DOCK10: variants seen among roughly 807,000 people sequenced by gnomAD.
DOCK10 encodes dedicator of cytokinesis protein 10.
In DOCK10, 145 loss-of-function variants were observed where a neutral mutation model predicts 280.1. The observed-to-expected ratio is 0.52, with a 90% CI of 0.45 to 0.59. DOCK10 has a LOEUF of 0.59. Among genes scored for constraint, DOCK10 ranks in the 20% least tolerant of loss-of-function variants. The pLI is 0.00. For synonymous variants in DOCK10, 915 were observed against 942.2 expected (o/e 0.97, Z 0.53); for missense variants, 2,368 against 2,651.7 (o/e 0.89, Z 2.35).
At chr2:224,896,230 G>T in intron 4 of DOCK10, 65 bp downstream of exon 4, 2 of 962,578 alleles carry the variant, frequency 2.1e-6, no homozygotes, top group South Asian at 1.6e-5. Flanking sequence ...ACAATGGCAG[G>T]ACTAGAACAG....
In DOCK10 at chr2:224,962,158, A is replaced by G. The variant is rs532208458; in HGVS notation, c.124-30490T>C. On this transcript the variant is annotated intron_variant, in intron 1 of 55. Transcript: ENST00000258390. The stretch of plus-strand genomic sequence containing the variant: ...GCCAAATCACACATCTCTACCAGGA[A>G]TCATTTTTTCATAGCAGTTTGACCA... Among the ~76,000 whole-genome samples, 7 of 152,340 alleles carry G rather than the reference A, an allele frequency of 4.6e-5. No homozygotes were observed. The South Asian group carries it at 1.5e-3, about 32-fold the overall frequency.
intron 1 of DOCK10, among the ~76,000 whole-genome samples, chr2:225,031,511 C>A (rs1690075012): frequency 6.6e-6 from 1 of 152,182 alleles, no homozygotes; most frequent in Non-Finnish European, 1.5e-5. Flanking sequence ...GGGTCCAGGA[C>A]AGATCATATT....
intron 53 of DOCK10, among the ~76,000 whole-genome samples, chr2:224,771,202 C>G (rs886375045): frequency 1.3e-5 from 2 of 152,164 alleles, no homozygotes; most frequent in Non-Finnish European, 2.9e-5. Context: ...TCTGTCTTGG[C>G]CTCCCGAAGT....
chr2:225,017,116 A>AAG lies in DOCK10; in HGVS notation c.123+25135_123+25136insCT, dbSNP rs1247325184. ...AAACTGAATAAAATTAAACCAAAAA[A>AAG]AAAAAAAAACTTTTGAGAGGATTTC... On this transcript the variant is annotated intron_variant, in intron 1 of 55. Transcript: ENST00000258390. Among the ~76,000 whole-genome samples, 7 of 151,838 alleles carry AAG rather than the reference A, an allele frequency of 4.6e-5. No homozygotes were observed. The East Asian group carries it at 1.3e-3, about 29-fold the overall frequency.
chr2:224,823,682 G>T (rs1365327736), intron 27 of DOCK10, 35 bp from the exon 28 acceptor site: 1 of 1,531,672 alleles, frequency 6.5e-7, no homozygotes, highest in African/African-American at 1.4e-5. Flanking sequence ...TTCTAATGTG[G>T]CATGTGAAAT....
chr2:224,767,066 A>C lies in DOCK10; in HGVS notation c.6445-1229T>G, dbSNP rs1690115902. ...TAGCTGAAACAGCAGAAGGACGAACATAACTACATTTTTTAGTTTTAATCA... is the reference window on the plus strand; with the variant it reads ...TAGCTGAAACAGCAGAAGGACGAACCTAACTACATTTTTTAGTTTTAATCA... On this transcript the variant is annotated intron_variant, in intron 55 of 55. Coordinates refer to ENST00000258390, the MANE Select transcript of DOCK10 (RefSeq NM_014689.3). Among the ~76,000 whole-genome samples, 3 of 152,248 alleles carry C rather than the reference A, an allele frequency of 2.0e-5. No individual in the cohort carries two copies. The South Asian group carries it at 6.2e-4, about 32-fold the overall frequency.
At chr2:224,851,797 A>G (rs954310119) in intron 18 of DOCK10, among the ~76,000 whole-genome samples, 3 of 152,190 alleles carry the variant, frequency 2.0e-5, no homozygotes, top group Admixed American at 2.0e-4. Flanking sequence ...TATGAACTCT[A>G]AAAAATGCCA....
intron 50 of DOCK10, among the ~76,000 whole-genome samples, chr2:224,780,565 A>T (rs1434447452): frequency 6.6e-6 from 1 of 152,164 alleles, no homozygotes; most frequent in Non-Finnish European, 1.5e-5. Flanking sequence ...CAAATTTCCG[A>T]ATCTAGAGTG....
chr2:224,874,986 A>C (rs952153796), intron 8 of DOCK10, among the ~76,000 whole-genome samples: 2 of 152,208 alleles, frequency 1.3e-5, no homozygotes, highest in African/African-American at 2.4e-5. Context: ...TTGTGTCCAC[A>C]AGAACTTTGG....
At chr2:224,859,013 G>A (rs1697333987) in intron 14 of DOCK10, among the ~76,000 whole-genome samples, 1 of 152,210 alleles carries the variant, frequency 6.6e-6, no homozygotes. Flanking sequence ...CATAAAAGTG[G>A]TTTTCAGATA....
intron 3 of DOCK10, among the ~76,000 whole-genome samples, chr2:224,910,450 C>T (rs1362770334): frequency 6.6e-6 from 1 of 152,156 alleles, no homozygotes; most frequent in Non-Finnish European, 1.5e-5. Context: ...AGGGACGGAG[C>T]TGGTGGCATG....
At chr2:224,921,112 A>AAAAAATATATATATATATATATATATAT in intron 2 of DOCK10, among the ~76,000 whole-genome samples, 2 of 54,406 alleles carry the variant, frequency 3.7e-5, no homozygotes, top group Non-Finnish European at 3.0e-5. Context: ...AAAAAAAAAA[A>AAAAAATATATATATATATATATATATAT]ATATATATAT....
In DOCK10 at chr2:224,971,271, G is replaced by A. The variant is rs1050290033; in HGVS notation, c.124-39603C>T. On this transcript the variant is annotated intron_variant, in intron 1 of 55. Transcript: ENST00000258390. The stretch of plus-strand genomic sequence containing the variant: ...CCCAGACCTGAGTCAACAGAGACAC[G>A]GAGGGCAGGAAGGTGCAGTGGGAAG... Among the ~76,000 whole-genome samples the A allele has an allele frequency of 6.2e-4, 95 of 152,068 alleles. 2 individuals carry two copies. Among genetic ancestry groups the A allele is most frequent in the Admixed American group, 6.0e-3 (92 of 15,268 alleles).
chr2:225,042,140 G>C lies in DOCK10; in HGVS notation c.123+112C>G. The C allele has an allele frequency of 8.7e-7, 1 of 1,148,972 alleles. No homozygotes were observed. Among genetic ancestry groups the C allele is most frequent in the Non-Finnish European group, 1.1e-6 (1 of 919,406 alleles). The allele number at this position is 1,148,972 out of a possible 1,614,324, so 71.2% of individuals were successfully genotyped here. On this transcript the variant is annotated intron_variant, in intron 1 of 55. Transcript: ENST00000258390. This position sits in a 1 kb window ranked among gnomAD's most constrained non-coding sequence, Gnocchi z 5.1. ...GGCGGGGGAGGGAGTGCGGAGGAGA[G>C]GACCCGTGAGCTGCGGGGACCTGGG...
chr2:224,805,460 G>T lies in DOCK10; in HGVS notation c.3884C>A (p.Ser1295Tyr). 1 of 1,612,774 alleles carries T rather than the reference G, an allele frequency of 6.2e-7. No homozygotes were observed. ...DSRASLASLD[S>Y]NPSTNEKSSE... ...GCTCTTCTCATTGGTACTTGGATTG[G>T]AGTCAAGACTTGCTAAAGATGCTCT... is the stretch of plus-strand genomic sequence containing the variant. The change falls in exon 35 of 56, where the codon TCC becomes TAC. Residue 1295 changes from serine to tyrosine, a missense_variant. Transcript: ENST00000258390. The surrounding 1 kb of genome is among the most constrained non-coding windows in gnomAD (Gnocchi z 4.3).
Position 224,885,778 on chromosome 2 carries a change from T to C in DOCK10, c.640A>G (p.Thr214Ala). The C allele has an allele frequency of 6.2e-7, 1 of 1,613,402 alleles. No individual in the cohort carries two copies. Among genetic ancestry groups the C allele is most frequent in the Non-Finnish European group, 8.5e-7 (1 of 1,179,770 alleles). ...RSFKKRYFQLTQLPDNSYIMN... is the reference protein window; with the variant it reads ...RSFKKRYFQLAQLPDNSYIMN... The stretch of plus-strand genomic sequence containing the variant: ...ATGTAGGAGTTATCTGGTAACTGAG[T>C]CAGCTGGAAGTAGCGCTTTTTGAAT... The change falls in exon 7 of 56, where the codon ACT (threonine) becomes GCT (alanine). Residue 214 changes from threonine to alanine, a missense_variant. Physicochemically the swap from Thr to Ala is moderately conservative, Grantham distance 58 (BLOSUM62 0). Coordinates refer to ENST00000258390, the MANE Select transcript of DOCK10 (RefSeq NM_014689.3).
chr2:224,923,294 A>G (rs1030807314), intron 2 of DOCK10, among the ~76,000 whole-genome samples: 10 of 152,210 alleles, frequency 6.6e-5, no homozygotes, highest in African/African-American at 2.4e-4. Flanking sequence ...ATAGAATCCT[A>G]TAAGAAGAAC....
intron 24 of DOCK10, 44 bp downstream of exon 24, chr2:224,839,910 T>G: frequency 1.2e-6 from 1 of 831,246 alleles, no homozygotes; most frequent in Non-Finnish European, 1.9e-6. Flanking sequence ...TTTATGTAAC[T>G]ACACATTATA....
rs191924473 is a variant in DOCK10, at chr2:224,956,567, T to C, written c.124-24899A>G. Among the ~76,000 whole-genome samples, 1,283 of 138,554 alleles carry C rather than the reference T, an allele frequency of 9.3e-3. 22 individuals are homozygous for C. Among genetic ancestry groups the C allele is most frequent in the African/African-American group, 0.031 (1,119 of 36,052 alleles). 90.9% of individuals were successfully genotyped at this position (138,554 alleles called of 152,430 possible). A position where few individuals can be genotyped will look rare whatever the true frequency, so the allele number is the denominator to read the frequency against. On this transcript the variant is annotated intron_variant, in intron 1 of 55. Transcript: ENST00000258390. ...TGAACCTCGGAGGTGGAGGTTGCAG[T>C]GAGCCGAGATTGCACCACTGCGCTC...
Sources: allele counts gnomAD v4.1 joint callset (sites outside exome capture counted in the v4.1 genomes callset), GRCh38; gene constraint gnomAD v4.1.1; non-coding constraint Gnocchi (gnomAD v3.1); transcripts MANE v1.5; gene names NCBI Gene and HGNC (gene_info 2026-07-23, HGNC 2026-07-21).